Variants in RYR3 observed in about 807,000 individuals in gnomAD.
RYR3 encodes the protein ryanodine receptor 3.
RYR3 carries 207 observed loss-of-function variants against 584.3 expected under a neutral mutation model. The ratio of observed to expected loss-of-function variants is 0.35; its 90% CI spans 0.32 to 0.40. RYR3 has a LOEUF of 0.40. Among genes scored for constraint, RYR3 ranks in the 10% least tolerant of loss-of-function variants. RYR3 has a pLI of 1.00. For missense variants in RYR3, 5,616 were observed against 6,089.2 expected, an observed-to-expected ratio of 0.92 and a Z score of 2.59; for synonymous variants, 2,416 against 2,248.5, an observed-to-expected ratio of 1.07 and a Z score of -2.11.
intron 16 of RYR3, among the ~76,000 whole-genome samples, chr15:33,588,010 A>G (rs1399243420): frequency 2.6e-5 from 4 of 152,346 alleles, no homozygotes; most frequent in East Asian, 3.9e-4. Context: ...GGTGAAGACA[A>G]TGACTCAAAA....
intron 12 of RYR3, among the ~76,000 whole-genome samples, chr15:33,571,014 T>A (rs531255839): frequency 6.6e-6 from 1 of 152,296 alleles, no homozygotes; most frequent in South Asian, 2.1e-4. Flanking sequence ...CATCTGTGAA[T>A]AAAAAGAGCT....
intron 18 of RYR3, among the ~76,000 whole-genome samples, chr15:33,604,898 G>A (rs1400509553): frequency 6.6e-6 from 1 of 152,188 alleles, no homozygotes; most frequent in South Asian, 2.1e-4. Context: ...CCTGAGTGTG[G>A]TAGGATTAAG....
chr15:33,440,953 T>C (rs1219435931), intron 1 of RYR3, among the ~76,000 whole-genome samples: 1 of 152,232 alleles, frequency 6.6e-6, no homozygotes, highest in Non-Finnish European at 1.5e-5. Context: ...GCAGTAAGAC[T>C]CTCACTGGCT....
At chr15:33,824,184 C>G (rs1715626490) in intron 81 of RYR3, among the ~76,000 whole-genome samples, 2 of 152,174 alleles carry the variant, frequency 1.3e-5, no homozygotes, top group Non-Finnish European at 2.9e-5. Context: ...CATTTACTTT[C>G]TAACAGTTCT....
chr15:33,613,560 C>A (rs556916495), intron 19 of RYR3, among the ~76,000 whole-genome samples, 185 bp downstream of exon 19: 1 of 152,310 alleles, frequency 6.6e-6, no homozygotes, highest in Admixed American at 6.5e-5. Context: ...GGTAGAACCT[C>A]CCCCAGGGGT....
intron 1 of RYR3, among the ~76,000 whole-genome samples, chr15:33,429,672 T>A (rs903519011): frequency 6.6e-6 from 1 of 152,230 alleles, no homozygotes; most frequent in Admixed American, 6.5e-5. Context: ...AAACACTATT[T>A]TGAGAAGACT....
At chr15:33,554,887 G>T (rs2056963836) in intron 10 of RYR3, among the ~76,000 whole-genome samples, 1 of 152,136 alleles carries the variant, frequency 6.6e-6, no homozygotes, top group South Asian at 2.1e-4. Context: ...TTCAGGGAAG[G>T]GTGAATTAAT....
chr15:33,650,400 A>G (rs2062398540), intron 31 of RYR3, among the ~76,000 whole-genome samples: 1 of 152,152 alleles, frequency 6.6e-6, no homozygotes, highest in Admixed American at 6.5e-5. Context: ...TAAAAAAATA[A>G]GTGCTGGCTT....
chr15:33,517,875 C>T (rs1181074881), intron 3 of RYR3, among the ~76,000 whole-genome samples: 1 of 152,114 alleles, frequency 6.6e-6, no homozygotes, highest in Non-Finnish European at 1.5e-5. Context: ...GTTAAATCAC[C>T]TTGATGACAG....
intron 72 of RYR3, 49 bp from the exon 73 acceptor site, chr15:33,812,814 T>C (rs1258606798): frequency 1.9e-6 from 3 of 1,590,806 alleles, no homozygotes; most frequent in East Asian, 2.2e-5. Flanking sequence ...TTCTTCAGTA[T>C]AAGAAGTACA....
intron 1 of RYR3, among the ~76,000 whole-genome samples, chr15:33,389,375 TATGGAG>T (rs1458727050): frequency 6.6e-6 from 1 of 152,180 alleles, no homozygotes; most frequent in Non-Finnish European, 1.5e-5. Context: ...TTTTTAGTGA[TATGGAG>T]ATGATCAGTA....
At chr15:33,855,493 C>T (rs145974610) in intron 98 of RYR3, among the ~76,000 whole-genome samples, 4 of 152,152 alleles carry the variant, frequency 2.6e-5, no homozygotes, top group Admixed American at 6.5e-5. Context: ...TGTGAGCCAT[C>T]GTGCCCGGCC....
At chr15:33,466,967 G>T (rs2048540177) in intron 1 of RYR3, among the ~76,000 whole-genome samples, 1 of 152,266 alleles carries the variant, frequency 6.6e-6, no homozygotes, top group African/African-American at 2.4e-5. Context: ...AAACGACCTT[G>T]TCATTCATTC....
rs758073318 is a variant in RYR3 at position 33,739,853 on chromosome 15, C to T, written c.7678C>T (p.Arg2560Ter). The change falls in exon 51 of 104, where the codon CGA (arginine) becomes TGA (stop). Residue 2560 changes from arginine to a stop codon, truncating the protein, a stop_gained. Coordinates refer to ENST00000634891, the MANE Select transcript of RYR3 (RefSeq NM_001036.6). LOFTEE classifies it high-confidence loss of function. ...SHKKYDPDLFRMALPCLSAIA... is the reference protein window; with the variant it reads ...SHKKYDPDLF ...ACAGAAATATGACCCAGATCTTTTC[C>T]GAATGGCCCTGCCTTGTCTCAGTGC... The T allele has an allele frequency of 3.7e-6, 6 of 1,613,278 alleles. No homozygotes were observed. Among genetic ancestry groups the T allele is most frequent in the South Asian group, 2.2e-5 (2 of 90,930 alleles).
In RYR3 at chr15:33,462,570, T is replaced by TCTTA. The variant is rs2082482218; in HGVS notation, c.52-10848_52-10845dup. On this transcript the variant is annotated intron_variant, in intron 1 of 103. Coordinates refer to ENST00000634891, the MANE Select transcript of RYR3 (RefSeq NM_001036.6). ...TGTATGGCCCAGGGAAGACATTATG[T>TCTTA]CTTAACACAGTAGCCAAGGATTCCA... 2.0e-5 allele frequency among the ~76,000 whole-genome samples: 3 copies of TCTTA among 152,306 alleles called. No homozygotes were observed. The South Asian group carries it at 6.2e-4, about 32-fold the overall frequency.
At chr15:33,349,641 T>C (rs1341830819) in intron 1 of RYR3, among the ~76,000 whole-genome samples, 1 of 151,066 alleles carries the variant, frequency 6.6e-6, no homozygotes, top group Non-Finnish European at 1.5e-5. Flanking sequence ...ATGTGCACAA[T>C]GTGCAGGTTC....
chr15:33,628,264 A>G lies in RYR3; in HGVS notation c.2575-207A>G, dbSNP rs552977187. On this transcript the variant is annotated intron_variant, in intron 20 of 103. Coordinates refer to ENST00000634891, the MANE Select transcript of RYR3 (RefSeq NM_001036.6). ...CACCTACAGAAAAGACTAAGAGGCAATGGTCAGAGAGACAACAAGGAGCAG... is the reference window on the plus strand; with the variant it reads ...CACCTACAGAAAAGACTAAGAGGCAGTGGTCAGAGAGACAACAAGGAGCAG... Among the ~76,000 whole-genome samples the G allele has an allele frequency of 2.0e-4, 31 of 152,256 alleles. 2 individuals are homozygous for G. The South Asian group carries it at 4.6e-3, about 22-fold the overall frequency.
chr15:33,513,599 GA>G (rs1405881428), intron 3 of RYR3, among the ~76,000 whole-genome samples: 1 of 152,236 alleles, frequency 6.6e-6, no homozygotes, highest in Non-Finnish European at 1.5e-5. Flanking sequence ...CTTCCACCTA[GA>G]GTTTCCTGCT....
At chr15:33,801,786 C>A in intron 68 of RYR3, 83 bp from the exon 69 acceptor site, 1 of 719,960 alleles carries the variant, frequency 1.4e-6, no homozygotes. Context: ...GGGTCTATTC[C>A]GTTACTTGGG....
Sources: gnomAD v4.1 joint callset for allele counts (sites outside exome capture counted in the v4.1 genomes callset) on GRCh38, gnomAD v4.1.1 for gene constraint, MANE v1.5 for transcripts, NCBI Gene and HGNC (gene_info 2026-07-23, HGNC 2026-07-21) for gene names.